The following PTPN21 variants were observed in gnomAD, a reference collection of about 807,000 sequenced individuals.
The protein encoded by PTPN21 is tyrosine-protein phosphatase non-receptor type 21.
Under a neutral mutation model 131.8 loss-of-function variants are expected in PTPN21, and 77 were observed. That is an observed-to-expected ratio of 0.58 (90% CI 0.49 to 0.71). The LOEUF is 0.71. Ranked by LOEUF, PTPN21 falls within the 30% of genes least tolerant of loss-of-function variation. PTPN21 has a pLI of 0.00. For synonymous variants in PTPN21, 715 were observed against 621.3 expected (o/e 1.15, Z -2.24); for missense variants, 1,552 against 1,527.1 (o/e 1.02, Z -0.27).
chr14:88,505,172 A>T (rs2078068383), intron 5 of PTPN21, 132 bp downstream of exon 5: 1 of 740,186 alleles, frequency 1.4e-6, no homozygotes, highest in Admixed American at 2.8e-5. Flanking sequence ...TGAGATGTTT[A>T]TAAGAGGGAA....
At chr14:88,497,143 AAGT>A in intron 9 of PTPN21, 57 bp downstream of exon 9, 2 of 1,300,782 alleles carry the variant, frequency 1.5e-6, no homozygotes, top group Non-Finnish European at 2.2e-6. Flanking sequence ...AGGCACGCAG[AAGT>A]AGAACTTGTT....
intron 3 of PTPN21, among the ~76,000 whole-genome samples, chr14:88,514,533 C>T (rs1038673791): frequency 2.0e-5 from 3 of 150,802 alleles, no homozygotes; most frequent in Non-Finnish European, 4.4e-5. Context: ...GGTGCCATCT[C>T]GGCTCGCTGC....
chr14:88,532,398 G>A (rs746211165), intron 2 of PTPN21, among the ~76,000 whole-genome samples: 27 of 152,206 alleles, frequency 1.8e-4, no homozygotes, highest in Middle Eastern at 6.8e-3. Flanking sequence ...AGAAATAGAC[G>A]AGCCTATGAG....
intron 10 of PTPN21, among the ~76,000 whole-genome samples, chr14:88,487,616 C>A (rs937054519): frequency 3.0e-4 from 46 of 152,112 alleles, no homozygotes; most frequent in African/African-American, 1.1e-3. Flanking sequence ...TAAATAATTT[C>A]ATTTCTTTGT....
Position 88,479,183 on chromosome 14 carries a change from G to C in PTPN21, c.2248C>G (p.Leu750Val). ...AQDPPGCPRVLLAGPLHILEP... is the reference protein window; with the variant it reads ...AQDPPGCPRVVLAGPLHILEP... ...AGGATGTGCAGGGGCCCGGCGAGCA[G>C]GACGCGAGGGCAGCCAGGTGGGTCC... Residue 750 changes from leucine (L) to valine (V), a missense_variant, in exon 13 of 19, where the codon CTG becomes GTG. This residue lies in a region of PTPN21 where 1,016 missense variants were observed against 883.5 expected (regional missense o/e 1.15). Coordinates refer to ENST00000556564, the MANE Select transcript of PTPN21 (RefSeq NM_007039.4). 6.4e-7 allele frequency: 1 copy of C among 1,563,940 alleles called. No homozygotes were observed.
In PTPN21 at chr14:88,479,919, C is replaced by T. The variant is rs542180825; in HGVS notation, c.1512G>A (p.Ser504=). 4 of 1,602,274 alleles carry T rather than the reference C, an allele frequency of 2.5e-6. No homozygotes were observed. In the African/African-American group the frequency reaches 4.0e-5, roughly 16 times the overall value. ...TGAACGGGCAGTGTGCGGCCGCTGG[C>T]GAGGGGAGCTGTGCGTGCTCGCGGA... is the stretch of plus-strand genomic sequence containing the variant. ...PEIREHAQLP[S]PAAAHCPFSL... is the part of the protein sequence containing the mutation. Residue 504 remains serine (S), a synonymous_variant, in exon 13 of 19, where the codon TCG becomes TCA. Coordinates refer to ENST00000556564, the MANE Select transcript of PTPN21 (RefSeq NM_007039.4).
chr14:88,517,890 G>A (rs988829697), intron 2 of PTPN21, among the ~76,000 whole-genome samples: 16 of 137,926 alleles, frequency 1.2e-4, no homozygotes, highest in Admixed American at 9.3e-4. Context: ...CTATATATAC[G>A]TGTATGTGTA....
chr14:88,501,119 G>A lies in PTPN21; in HGVS notation c.675+162C>T. On this transcript the variant is annotated intron_variant, in intron 7 of 18. Transcript: ENST00000556564. The stretch of plus-strand genomic sequence containing the variant: ...AGTATGAACCACAAAATGGGAATGT[G>A]TTTTACCACAAAACTTTGGTCACCA... 4 of 727,840 alleles carry A rather than the reference G, an allele frequency of 5.5e-6. No homozygotes were observed. The South Asian group carries it at 7.2e-5, about 13-fold the overall frequency. 45.1% of individuals were successfully genotyped at this position (727,840 alleles called of 1,614,324 possible). A position where few individuals can be genotyped will look rare whatever the true frequency, so the allele number is the denominator to read the frequency against.
At chr14:88,495,820 T>G (rs759151889) in intron 10 of PTPN21, among the ~76,000 whole-genome samples, 1 of 152,114 alleles carries the variant, frequency 6.6e-6, no homozygotes, top group Non-Finnish European at 1.5e-5. Flanking sequence ...AAATGATCAC[T>G]GGACGAAAGT....
chr14:88,517,011 A>C, intron 3 of PTPN21, 81 bp downstream of exon 3: 1 of 1,501,470 alleles, frequency 6.7e-7, no homozygotes, highest in East Asian at 2.3e-5. Context: ...TTTCAAACTT[A>C]TCTTCTGACT....
intron 2 of PTPN21, among the ~76,000 whole-genome samples, chr14:88,527,672 T>C (rs918870505): frequency 6.6e-6 from 1 of 152,210 alleles, no homozygotes; most frequent in Non-Finnish European, 1.5e-5. Flanking sequence ...TTAAATCTCA[T>C]CTATTTTTGT....
chr14:88,543,520 T>C (rs891436149), intron 2 of PTPN21, among the ~76,000 whole-genome samples: 4 of 152,210 alleles, frequency 2.6e-5, no homozygotes, highest in African/African-American at 9.6e-5. Context: ...TGTTTATCAA[T>C]CTAAATTCAA....
intron 2 of PTPN21, among the ~76,000 whole-genome samples, chr14:88,541,565 G>A (rs1566852654): frequency 1.3e-5 from 2 of 152,168 alleles, no homozygotes; most frequent in Admixed American, 6.5e-5. Context: ...GCCTAGCAGG[G>A]AAGACAGACA....
intron 2 of PTPN21, among the ~76,000 whole-genome samples, chr14:88,533,829 C>T (rs945055128): frequency 1.3e-5 from 2 of 152,012 alleles, no homozygotes; most frequent in African/African-American, 4.8e-5. Context: ...TGTGATTGAG[C>T]CACTGCACTA....
rs1036348664 is a variant in PTPN21 at position 88,467,300 on chromosome 14, T to G, written c.*837A>C. ...AACAAAAAAGTGCTTAAAACCACCC[T>G]AGGCAATTGTTTTTCACTTCATTTT... On this transcript the variant is annotated 3_prime_UTR_variant, in exon 19 of 19. Transcript: ENST00000556564. 9 of 152,220 alleles carry G rather than the reference T, an allele frequency of 5.9e-5. No individual in the cohort carries two copies. Among genetic ancestry groups the G allele is most frequent in the African/African-American group, 1.9e-4 (8 of 41,454 alleles). The allele number at this position is 152,220 out of a possible 1,614,324, so 9.4% of individuals were successfully genotyped here.
chr14:88,549,217 C>G (rs1033108004), intron 2 of PTPN21, among the ~76,000 whole-genome samples: 1 of 152,256 alleles, frequency 6.6e-6, no homozygotes, highest in South Asian at 2.1e-4. Context: ...GAATTTGAGA[C>G]CAACCTGGGC....
chr14:88,505,808 A>G (rs969034864), intron 4 of PTPN21, among the ~76,000 whole-genome samples: 2 of 152,244 alleles, frequency 1.3e-5, no homozygotes, highest in South Asian at 4.1e-4. Context: ...ATTTTTTAAA[A>G]AATTGACAAT....
intron 2 of PTPN21, among the ~76,000 whole-genome samples, chr14:88,521,556 C>G (rs766243425): frequency 2.1e-5 from 3 of 141,326 alleles, no homozygotes; most frequent in African/African-American, 7.6e-5. Context: ...GCACCCGCCA[C>G]CACGCCCAAC....
chr14:88,506,791 C>G (rs909608983), intron 4 of PTPN21, among the ~76,000 whole-genome samples: 1 of 152,074 alleles, frequency 6.6e-6, no homozygotes, highest in Non-Finnish European at 1.5e-5. Flanking sequence ...TCTATAATCC[C>G]GGCACTTTGG....
Sources: allele counts gnomAD v4.1 joint callset (sites outside exome capture counted in the v4.1 genomes callset), GRCh38; gene constraint gnomAD v4.1.1; regional missense constraint gnomAD v4.1.1; transcripts MANE v1.5; gene names NCBI Gene and HGNC (gene_info 2026-07-23, HGNC 2026-07-21).